The following PLD5 variants were observed in gnomAD, a reference collection of about 807,000 sequenced individuals.
PLD5 encodes phospholipase D family member 5.
In PLD5, 36 loss-of-function variants were observed where a neutral mutation model predicts 61.1. The observed-to-expected ratio is 0.59, with a 90% CI of 0.45 to 0.78. The LOEUF (loss-of-function observed/expected upper bound fraction) is 0.78. PLD5 is among the 30% of genes least tolerant of loss of function. The pLI is 0.00. For synonymous variants in PLD5, 243 were observed against 242.8 expected (o/e 1.00, Z -0.01); for missense variants, 515 against 644.4 (o/e 0.80, Z 2.17).
chr1:242,436,648 T>G (rs1204204944), intron 1 of PLD5, among the ~76,000 whole-genome samples: 1 of 152,210 alleles, frequency 6.6e-6, no homozygotes, highest in African/African-American at 2.4e-5. Flanking sequence ...TTGATGTTTA[T>G]CGAGCTAAGT....
In PLD5 at chr1:242,424,043, C is replaced by T. The variant is rs192552444; in HGVS notation, c.190-75801G>A. 3.2e-3 allele frequency among the ~76,000 whole-genome samples: 486 copies of T among 152,296 alleles called. 2 individuals are homozygous for T. The highest frequency in any genetic ancestry group is 0.011 in the African/African-American group (465 of 41,558). On this transcript the variant is annotated intron_variant, in intron 1 of 9. Coordinates refer to ENST00000536534, the MANE Select transcript of PLD5 (RefSeq NM_001372062.1). ...GCAGAGAAGAAATAATCAATAATAACAGTGATAACACTGCTGAGCACCCGT... is the reference window on the plus strand; with the variant it reads ...GCAGAGAAGAAATAATCAATAATAATAGTGATAACACTGCTGAGCACCCGT...
intron 5 of PLD5, among the ~76,000 whole-genome samples, chr1:242,173,613 G>C (rs1479815925): frequency 6.6e-6 from 1 of 152,184 alleles, no homozygotes; most frequent in Non-Finnish European, 1.5e-5. Flanking sequence ...AAAGTACAAA[G>C]CTGGAGGCAT....
At position 242,358,134 on chromosome 1, in the gene PLD5, T is replaced by C. The variant is rs549669400; in HGVS notation, c.190-9892A>G. Among the ~76,000 whole-genome samples, 47 of 152,260 alleles carry C rather than the reference T, an allele frequency of 3.1e-4. 1 individual carries two copies. Among genetic ancestry groups the C allele is most frequent in the South Asian group, 1.0e-3 (5 of 4,820 alleles). Reference sequence around the variant, plus strand: ...TTTGTCAAACTTCTCATATTGTTCATGTAATGTTTTACACATTTTATTTAA... The same window carrying C: ...TTTGTCAAACTTCTCATATTGTTCACGTAATGTTTTACACATTTTATTTAA... On this transcript the variant is annotated intron_variant, in intron 1 of 9. Coordinates refer to ENST00000536534, the MANE Select transcript of PLD5 (RefSeq NM_001372062.1).
chr1:242,115,915 G>A (rs1395371945), intron 6 of PLD5, among the ~76,000 whole-genome samples: 1 of 152,114 alleles, frequency 6.6e-6, no homozygotes, highest in Non-Finnish European at 1.5e-5. Flanking sequence ...ATAAAAATAT[G>A]GTGTTTGTAG....
intron 5 of PLD5, among the ~76,000 whole-genome samples, chr1:242,125,852 C>T (rs1431581968): frequency 6.6e-6 from 1 of 152,148 alleles, no homozygotes; most frequent in Admixed American, 6.6e-5. Flanking sequence ...TTTCCATGTT[C>T]CTCTGTACAG....
intron 2 of PLD5, among the ~76,000 whole-genome samples, chr1:242,339,169 T>C (rs1293347804): frequency 1.3e-5 from 2 of 152,194 alleles, no homozygotes; most frequent in Non-Finnish European, 2.9e-5. Flanking sequence ...AACACTATTC[T>C]TTAATTTATA....
At chr1:242,121,938 TCATGGGG>T (rs1662402206) in intron 6 of PLD5, among the ~76,000 whole-genome samples, 1 of 100,064 alleles carries the variant, frequency 1.0e-5, no homozygotes, top group South Asian at 4.0e-4. Flanking sequence ...CCAGGGCCTG[TCATGGGG>T]TGGGGGGAGG....
At chr1:242,164,306 A>G (rs1167320467) in intron 5 of PLD5, among the ~76,000 whole-genome samples, 1 of 152,116 alleles carries the variant, frequency 6.6e-6, no homozygotes, top group Non-Finnish European at 1.5e-5. Context: ...GACTGTTAAA[A>G]CTAATTTTGT....
At chr1:242,390,172 C>A (rs58284124) in intron 1 of PLD5, among the ~76,000 whole-genome samples, 69,025 of 151,586 alleles carry the variant, frequency 0.46, 15,985 homozygotes, top group East Asian at 0.57. Context: ...GATTCTCCTG[C>A]CTCAGCCTCC....
At chr1:242,499,197 T>C (rs1028910795) in intron 1 of PLD5, among the ~76,000 whole-genome samples, 1 of 152,354 alleles carries the variant, frequency 6.6e-6, no homozygotes, top group East Asian at 1.9e-4. Flanking sequence ...TAAGCCACTT[T>C]CACATTTTCA....
At chr1:242,208,588 C>A (rs1487128420) in intron 5 of PLD5, among the ~76,000 whole-genome samples, 2 of 152,150 alleles carry the variant, frequency 1.3e-5, no homozygotes, top group Non-Finnish European at 2.9e-5. Flanking sequence ...AGATTAGATG[C>A]ATCAGTGATT....
At chr1:242,460,246 C>T (rs1667075600) in intron 1 of PLD5, among the ~76,000 whole-genome samples, 1 of 152,118 alleles carries the variant, frequency 6.6e-6, no homozygotes, top group African/African-American at 2.4e-5. Flanking sequence ...ACTAACCTAC[C>T]CCCGCCCTCA....
intron 2 of PLD5, among the ~76,000 whole-genome samples, chr1:242,301,639 G>C (rs1348757773): frequency 6.6e-6 from 1 of 152,082 alleles, no homozygotes; most frequent in Non-Finnish European, 1.5e-5. Context: ...TCTGTCATTA[G>C]TTTCTTATAT....
intron 1 of PLD5, among the ~76,000 whole-genome samples, chr1:242,402,150 T>C (rs1209197096): frequency 6.6e-6 from 1 of 152,222 alleles, no homozygotes; most frequent in Admixed American, 6.5e-5. Flanking sequence ...GGAATACATT[T>C]CAGGCACAAG....
intron 1 of PLD5, among the ~76,000 whole-genome samples, chr1:242,501,799 T>C (rs1410689416): frequency 6.6e-6 from 1 of 150,758 alleles, no homozygotes; most frequent in African/African-American, 2.4e-5. Flanking sequence ...ATTATATATA[T>C]ATATATATAT....
At chr1:242,163,219 C>T (rs1193519333) in intron 5 of PLD5, among the ~76,000 whole-genome samples, 7 of 150,148 alleles carry the variant, frequency 4.7e-5, no homozygotes. Flanking sequence ...TCTCGGCTCA[C>T]TGCAAGCTCC....
intron 7 of PLD5, among the ~76,000 whole-genome samples, chr1:242,108,768 T>C (rs12128571): frequency 0.074 from 11,316 of 152,276 alleles, 505 homozygotes; most frequent in Middle Eastern, 0.18. Flanking sequence ...AATGATACAT[T>C]ATTTGAAACT....
At chr1:242,220,583 C>G (rs965446325) in intron 4 of PLD5, among the ~76,000 whole-genome samples, 1 of 152,086 alleles carries the variant, frequency 6.6e-6, no homozygotes, top group African/African-American at 2.4e-5. Flanking sequence ...CCTCATTATG[C>G]TTTCTATACA....
intron 1 of PLD5, among the ~76,000 whole-genome samples, chr1:242,511,759 G>A (rs1262804010): frequency 1.3e-5 from 2 of 152,148 alleles, no homozygotes; most frequent in Non-Finnish European, 2.9e-5. Flanking sequence ...TCTTGGATGA[G>A]ATCCTGGAAC....
Sources: gnomAD v4.1 joint callset for allele counts (sites outside exome capture counted in the v4.1 genomes callset) on GRCh38, gnomAD v4.1.1 for gene constraint, MANE v1.5 for transcripts, NCBI Gene and HGNC (gene_info 2026-07-23, HGNC 2026-07-21) for gene names.